Variants in STX3 observed in about 807,000 individuals in gnomAD.
STX3 encodes syntaxin 3.
STX3 carries 19 observed loss-of-function variants against 40.2 expected under a neutral mutation model. The ratio of observed to expected loss-of-function variants is 0.47; its 90% confidence interval spans 0.33 to 0.69. The LOEUF (loss-of-function observed/expected upper bound fraction) is 0.69, where lower values mean the gene tolerates loss of function less well. Among genes scored for constraint, STX3 ranks in the 30% least tolerant of loss-of-function variants. The probability of loss-of-function intolerance (pLI) is 0.02; values close to 1 mark genes in which losing one functional copy is unlikely to be tolerated. For synonymous variants in STX3, 122 were observed against 132.2 expected (o/e 0.92, Z 0.53); for missense variants, 364 against 366.7 (o/e 0.99, Z 0.06).
rs202161201 is a variant in STX3 at position 59,793,544 on chromosome 11, G to A, written c.675+30G>A. On this transcript the variant is annotated intron_variant, in intron 8 of 10. Transcript: ENST00000337979. ...GTGGCAGTGAGTCCCAGCGTGGGGAGGGAGGAGAGGAAAGCTCAGGGTCTA... is the reference window on the plus strand; with the variant it reads ...GTGGCAGTGAGTCCCAGCGTGGGGAAGGAGGAGAGGAAAGCTCAGGGTCTA... 4 of 1,601,766 alleles carry A rather than the reference G, an allele frequency of 2.5e-6. No homozygotes were observed. The East Asian group carries it at 6.7e-5, about 27-fold the overall frequency.
chr11:59,760,354 C>T (rs1862964805), intron 1 of STX3, among the ~76,000 whole-genome samples: 1 of 151,364 alleles, frequency 6.6e-6, no homozygotes, highest in Non-Finnish European at 1.5e-5. Flanking sequence ...ACTTAGAATA[C>T]TCTCCTCCAT....
intron 1 of STX3, among the ~76,000 whole-genome samples, chr11:59,772,974 A>AACACACACACACAC (rs3035302): frequency 5.0e-5 from 7 of 140,588 alleles, no homozygotes; most frequent in Admixed American, 1.4e-4. Flanking sequence ...CCCTGAAAGA[A>AACACACACACACAC]ACACACACAC....
At chr11:59,769,516 T>C (rs1863452712) in intron 1 of STX3, among the ~76,000 whole-genome samples, 2 of 152,156 alleles carry the variant, frequency 1.3e-5, no homozygotes, top group Non-Finnish European at 2.9e-5. Context: ...CAGCCAGTAA[T>C]TGGAAACAGC....
chr11:59,757,871 A>G (rs970815252), intron 1 of STX3, among the ~76,000 whole-genome samples: 1 of 152,192 alleles, frequency 6.6e-6, no homozygotes, highest in Admixed American at 6.5e-5. Flanking sequence ...TTTTGGTGTC[A>G]GTTCACCTCC....
chr11:59,795,747 G>T, intron 9 of STX3: 1 of 1,518,520 alleles, frequency 6.6e-7, no homozygotes, highest in African/African-American at 1.4e-5. Flanking sequence ...CTTCGTCTCA[G>T]CTGTCTTACT....
intron 2 of STX3, among the ~76,000 whole-genome samples, chr11:59,782,855 T>C (rs1395040180): frequency 6.9e-6 from 1 of 145,268 alleles, no homozygotes; most frequent in Non-Finnish European, 1.5e-5. Context: ...AAAAAAAAGG[T>C]TGGTGTGGTG....
At chr11:59,770,219 GTA>G (rs1863525496) in intron 1 of STX3, among the ~76,000 whole-genome samples, 1 of 150,522 alleles carries the variant, frequency 6.6e-6, no homozygotes, top group South Asian at 2.1e-4. Context: ...GAGGTGGGGT[GTA>G]TGTGTGTAAT....
intron 10 of STX3, among the ~76,000 whole-genome samples, chr11:59,798,899 TTTG>T (rs941085499): frequency 2.7e-5 from 4 of 149,512 alleles, no homozygotes; most frequent in African/African-American, 4.9e-5. Flanking sequence ...ACAATTTTTT[TTTG>T]TTGTTGAGAT....
Position 59,801,398 on chromosome 11 carries a change from T to C in STX3, c.*574T>C, listed in dbSNP as rs1253247579. 1.0e-6 allele frequency: 1 copy of C among 987,514 alleles called. No homozygotes were observed. The highest frequency in any genetic ancestry group is 1.2e-6 in the Non-Finnish European group (1 of 831,068). 61.2% of individuals were successfully genotyped at this position (987,514 alleles called of 1,614,324 possible). A position where few individuals can be genotyped will look rare whatever the true frequency, so the allele number is the denominator to read the frequency against. On this transcript the variant is annotated 3_prime_UTR_variant, in exon 11 of 11. Transcript: ENST00000337979. Reference sequence around the variant, plus strand: ...CATTTTGGTCTAAAGAGCTGACTTGTTTGAAATTCAGCCTTAAATTAAGCT... The same window carrying C: ...CATTTTGGTCTAAAGAGCTGACTTGCTTGAAATTCAGCCTTAAATTAAGCT...
At chr11:59,787,203 T>C (rs543577277) in intron 3 of STX3, 67 bp downstream of exon 3, 22 of 1,429,920 alleles carry the variant, frequency 1.5e-5, no homozygotes, top group Non-Finnish European at 2.2e-5. Context: ...CCAGCCTTGT[T>C]TTCTTGCCCT....
intron 10 of STX3, 199 bp from the exon 11 acceptor site, chr11:59,800,656 A>AT (rs748956346): frequency 1.7e-5 from 17 of 985,012 alleles, no homozygotes; most frequent in Non-Finnish European, 2.0e-5. Flanking sequence ...AGGCTTTTCT[A>AT]TTTTTTTCCC....
chr11:59,775,906 G>A (rs1277656578), intron 2 of STX3, among the ~76,000 whole-genome samples: 1 of 152,202 alleles, frequency 6.6e-6, no homozygotes, highest in Non-Finnish European at 1.5e-5. Context: ...ATGGGGAGGT[G>A]GAAAGAACAT....
intron 10 of STX3, among the ~76,000 whole-genome samples, 159 bp downstream of exon 10, chr11:59,797,555 G>C (rs957698496): frequency 2.0e-5 from 3 of 152,102 alleles, no homozygotes; most frequent in Non-Finnish European, 4.4e-5. Context: ...TCTCCTTATA[G>C]TTCTATTGGT....
At chr11:59,765,906 G>GT (rs1863259325) in intron 1 of STX3, among the ~76,000 whole-genome samples, 2 of 152,222 alleles carry the variant, frequency 1.3e-5, no homozygotes, top group African/African-American at 4.8e-5. Context: ...AGAAGCATCT[G>GT]TGTCTCCAGA....
chr11:59,787,971 A>G (rs1180627128), intron 3 of STX3, among the ~76,000 whole-genome samples: 1 of 152,180 alleles, frequency 6.6e-6, no homozygotes, highest in Non-Finnish European at 1.5e-5. Context: ...TGTCTTGATC[A>G]CATTCCTGCC....
At chr11:59,792,036 GGGGGTGGGGA>G (rs1477032120) in intron 5 of STX3, 61 bp from the exon 6 acceptor site, 36 of 1,201,988 alleles carry the variant, frequency 3.0e-5, no homozygotes, top group Non-Finnish European at 4.3e-5. Flanking sequence ...ATGGCTATGT[GGGGGTGGGGA>G]GGGGTTCTAT....
chr11:59,800,447 G>A, intron 10 of STX3: 1 of 985,384 alleles, frequency 1.0e-6, no homozygotes, highest in Non-Finnish European at 1.2e-6. Flanking sequence ...GCTTTTCATT[G>A]TGTCCTTCTG....
At chr11:59,798,899 T>G (rs554598) in intron 10 of STX3, among the ~76,000 whole-genome samples, 2,212 of 149,618 alleles carry the variant, frequency 0.015, 58 homozygotes, top group African/African-American at 0.05. Flanking sequence ...ACAATTTTTT[T>G]TTGTTGTTGA....
At position 59,801,688 on chromosome 11, in the gene STX3, T is replaced by C; in HGVS notation, c.*864T>C. 5.1e-6 allele frequency: 5 copies of C among 985,834 alleles called. No individual in the cohort carries two copies. Among genetic ancestry groups the C allele is most frequent in the Non-Finnish European group, 6.0e-6 (5 of 829,932 alleles). The allele number at this position is 985,834 out of a possible 1,614,324, so 61.1% of individuals were successfully genotyped here. A position where few individuals can be genotyped will look rare whatever the true frequency, so the allele number is the denominator to read the frequency against. ...GGGACAAGGTGCTAGAATCCTAAGC[T>C]CTGGAAATATTTCATGACACTGGTG... On this transcript the variant is annotated 3_prime_UTR_variant, in exon 11 of 11. Transcript: ENST00000337979.
Sources: gnomAD v4.1 joint callset for allele counts (sites outside exome capture counted in the v4.1 genomes callset) on GRCh38, gnomAD v4.1.1 for gene constraint, MANE v1.5 for transcripts, NCBI Gene and HGNC (gene_info 2026-07-23, HGNC 2026-07-21) for gene names.